The following DGAT2 variants were observed in gnomAD, a reference collection of about 807,000 sequenced individuals.
The protein encoded by DGAT2 is acyl-CoA retinol O-fatty-acyltransferase.
A neutral mutation model predicts 48.4 loss-of-function variants in DGAT2; 33 were observed. That is an observed-to-expected ratio of 0.68 (90% CI 0.52 to 0.91). The LOEUF (loss-of-function observed/expected upper bound fraction) is 0.91. DGAT2 is among the 40% of genes least tolerant of loss of function. The probability of loss-of-function intolerance (pLI) is 0.00; values close to 1 mark genes in which losing one functional copy is unlikely to be tolerated. For synonymous variants in DGAT2, 191 were observed against 194.1 expected (o/e 0.98, Z 0.13); for missense variants, 446 against 493.7 (o/e 0.90, Z 0.92).
intron 1 of DGAT2, 83 bp from the exon 2 acceptor site, chr11:75,784,534 AC>A: frequency 6.4e-7 from 1 of 1,558,966 alleles, no homozygotes; most frequent in African/African-American, 1.4e-5. Context: ...CTAGAAGGGT[AC>A]CTGTGGGAGG....
At position 75,798,451 on chromosome 11, in the gene DGAT2, C is replaced by G. The variant is rs114903859; in HGVS notation, c.1012+22C>G. 386 of 1,609,154 alleles carry G rather than the reference C, an allele frequency of 2.4e-4. 1 individual carries two copies. Among genetic ancestry groups the G allele is most frequent in the Non-Finnish European group, 3.2e-4 (377 of 1,179,224 alleles). On this transcript the variant is annotated intron_variant, in intron 7 of 7. Transcript: ENST00000228027. ...GTTGGTAAGCCCCTAGCCTGCAGAC[C>G]AAGGGCTGTCCTGAACACAGGGTGC...
At chr11:75,774,820 A>G (rs1490827022) in intron 1 of DGAT2, among the ~76,000 whole-genome samples, 1 of 152,124 alleles carries the variant, frequency 6.6e-6, no homozygotes, top group Non-Finnish European at 1.5e-5. Context: ...CTCGCAAGCT[A>G]GTAGTGTTGC....
intron 2 of DGAT2, among the ~76,000 whole-genome samples, chr11:75,787,087 C>G (rs1490506636): frequency 2.6e-5 from 4 of 152,008 alleles, no homozygotes; most frequent in African/African-American, 7.3e-5. Context: ...ATATCTGCAA[C>G]TGCTACAAAG....
Position 75,784,383 on chromosome 11 carries a change from C to T in DGAT2, c.122-235C>T, listed in dbSNP as rs543401338. ...GTGGTCTCCAAAATGACCCCGAGTG[C>T]GATACCATTCCCATTGTGTATCTAT... On this transcript the variant is annotated intron_variant, in intron 1 of 7. Transcript: ENST00000228027. 2.5e-4 allele frequency: 109 copies of T among 429,002 alleles called. 2 individuals are homozygous for T. In the South Asian group the frequency reaches 3.0e-3, roughly 12 times the overall value. The allele number at this position is 429,002 out of a possible 1,614,324, so 26.6% of individuals were successfully genotyped here.
At chr11:75,779,346 C>G (rs984395426) in intron 1 of DGAT2, among the ~76,000 whole-genome samples, 1 of 152,168 alleles carries the variant, frequency 6.6e-6, no homozygotes, top group Non-Finnish European at 1.5e-5. Flanking sequence ...CGCTCAACAG[C>G]GTAGCATTGT....
At chr11:75,787,894 AG>A (rs1944938678) in intron 2 of DGAT2, among the ~76,000 whole-genome samples, 1 of 152,106 alleles carries the variant, frequency 6.6e-6, no homozygotes, top group East Asian at 1.9e-4. Context: ...GAGGGGAGGG[AG>A]CCCCCAGCTG....
At chr11:75,798,128 G>C in intron 6 of DGAT2, 99 bp from the exon 7 acceptor site, 2 of 1,249,314 alleles carry the variant, frequency 1.6e-6, no homozygotes, top group Non-Finnish European at 2.3e-6. Context: ...CACCCAGCTG[G>C]GGGAGGGGGA....
rs550803330 is a variant in DGAT2, at chr11:75,797,139, C to G, written c.635-19C>G. Reference sequence around the variant, plus strand: ...GATCCATGGGCAACCCTGACTGTTGCGTCCTTCCCTCCCCTCAGGTATCTG... The same window carrying G: ...GATCCATGGGCAACCCTGACTGTTGGGTCCTTCCCTCCCCTCAGGTATCTG... On this transcript the variant is annotated intron_variant, in intron 5 of 7. Transcript: ENST00000228027. The G allele has an allele frequency of 6.8e-6, 10 of 1,463,430 alleles. No homozygotes were observed. The highest frequency in any genetic ancestry group is 1.8e-4 in the Middle Eastern group (1 of 5,436). 90.7% of individuals were successfully genotyped at this position (1,463,430 alleles called of 1,614,324 possible). A position where few individuals can be genotyped will look rare whatever the true frequency, so the allele number is the denominator to read the frequency against.
Position 75,769,012 on chromosome 11 carries a change from C to A in DGAT2, c.21C>A (p.Ala7=). MKTLIA[A]YSGVLRGERQ... ...CAGCCATGAAGACCCTCATAGCCGCCTACTCCGGGGTCCTGCGCGGCGAGC... is the reference window on the plus strand; with the variant it reads ...CAGCCATGAAGACCCTCATAGCCGCATACTCCGGGGTCCTGCGCGGCGAGC... Residue 7 remains alanine, a synonymous_variant, in exon 1 of 8, where the codon GCC becomes GCA. Coordinates refer to ENST00000228027, the MANE Select transcript of DGAT2 (RefSeq NM_032564.5). 6.4e-7 allele frequency: 1 copy of A among 1,570,584 alleles called. No individual in the cohort carries two copies.
At chr11:75,789,779 C>T (rs966398770) in intron 2 of DGAT2, among the ~76,000 whole-genome samples, 1 of 152,084 alleles carries the variant, frequency 6.6e-6, no homozygotes, top group Non-Finnish European at 1.5e-5. Flanking sequence ...GGCTCAGCCC[C>T]AGTCTTGAGA....
At chr11:75,769,662 CAG>C (rs1480157173) in intron 1 of DGAT2, among the ~76,000 whole-genome samples, 1 of 152,132 alleles carries the variant, frequency 6.6e-6, no homozygotes, top group Admixed American at 6.5e-5. Context: ...GTGAATCGCG[CAG>C]AGTTGAAATC....
intron 2 of DGAT2, among the ~76,000 whole-genome samples, chr11:75,786,888 T>C (rs1380532555): frequency 6.6e-6 from 1 of 152,244 alleles, no homozygotes; most frequent in Non-Finnish European, 1.5e-5. Context: ...TTAGAGTATT[T>C]AATACAAGGT....
intron 1 of DGAT2, among the ~76,000 whole-genome samples, chr11:75,777,137 C>T (rs1944810462): frequency 6.6e-6 from 1 of 151,618 alleles, no homozygotes; most frequent in African/African-American, 2.4e-5. Context: ...GGCAGGGTGA[C>T]CCCCACCCCC....
At chr11:75,780,425 G>A (rs1471658709) in intron 1 of DGAT2, among the ~76,000 whole-genome samples, 1 of 152,176 alleles carries the variant, frequency 6.6e-6, no homozygotes, top group South Asian at 2.1e-4. Flanking sequence ...GTCCTCAGGA[G>A]GGTGGGTGCC....
chr11:75,797,287 C>A lies in DGAT2; in HGVS notation c.764C>A (p.Thr255Asn). ...TCCATGCCTGGCAAGAATGCAGTCACCCTGCGGAACCGCAAGGGCTTTGTG... is the reference window on the plus strand; with the variant it reads ...TCCATGCCTGGCAAGAATGCAGTCAACCTGCGGAACCGCAAGGGCTTTGTG... ...LSSMPGKNAV[T>N]LRNRKGFVKL... The change falls in exon 6 of 8, where the codon ACC (threonine) becomes AAC (asparagine). Residue 255 changes from threonine (T) to asparagine (N), a missense_variant. Coordinates refer to ENST00000228027, the MANE Select transcript of DGAT2 (RefSeq NM_032564.5). The A allele has an allele frequency of 6.4e-7, 1 of 1,562,718 alleles. No homozygotes were observed. The highest frequency in any genetic ancestry group is 8.7e-7 in the Non-Finnish European group (1 of 1,154,110).
chr11:75,799,672 G>A (rs1412950504), intron 7 of DGAT2, among the ~76,000 whole-genome samples: 1 of 151,610 alleles, frequency 6.6e-6, no homozygotes, highest in African/African-American at 2.4e-5. Context: ...GGAGTGCAGT[G>A]GCGCAATCTC....
chr11:75,800,239 G>T, intron 7 of DGAT2, 115 bp from the exon 8 acceptor site: 2 of 1,272,892 alleles, frequency 1.6e-6, no homozygotes, highest in South Asian at 3.1e-5. Flanking sequence ...AAAGCATTTG[G>T]CACAGTTCCT....
chr11:75,800,540 C>A lies in DGAT2; in HGVS notation c.*32C>A. The A allele has an allele frequency of 6.2e-7, 1 of 1,607,648 alleles. No individual in the cohort carries two copies. Among genetic ancestry groups the A allele is most frequent in the African/African-American group, 1.3e-5 (1 of 74,880 alleles). ...CTTCGGGGCCAATTCCCTGGAGGAA[C>A]CAGCTGCAAATCACTTTTTTGCTCT... is the stretch of plus-strand genomic sequence containing the variant. On this transcript the variant is annotated 3_prime_UTR_variant, in exon 8 of 8. Transcript: ENST00000228027.
Position 75,780,959 on chromosome 11 carries a change from C to T in DGAT2, c.122-3659C>T, listed in dbSNP as rs142729124. ...GGCCTGAAGAGTGGCCAGAGCACCT[C>T]CTTGGGGCTGGCCTGACAGGGCACT... On this transcript the variant is annotated intron_variant, in intron 1 of 7. Coordinates refer to ENST00000228027, the MANE Select transcript of DGAT2 (RefSeq NM_032564.5). 9.1e-3 allele frequency among the ~76,000 whole-genome samples: 1,379 copies of T among 152,366 alleles called. 16 individuals are homozygous for T. The highest frequency in any genetic ancestry group is 0.032 in the African/African-American group (1,333 of 41,572).
Sources: gnomAD v4.1 joint callset for allele counts (sites outside exome capture counted in the v4.1 genomes callset) on GRCh38, gnomAD v4.1.1 for gene constraint, MANE v1.5 for transcripts, NCBI Gene and HGNC (gene_info 2026-07-23, HGNC 2026-07-21) for gene names.